The following ZNF232 variants were observed in gnomAD, a reference collection of about 807,000 sequenced individuals.
ZNF232 encodes the protein zinc finger and SCAN domain-containing protein 11.
Under a neutral mutation model 25.2 loss-of-function variants are expected in ZNF232, and 25 were observed. The ratio of observed to expected loss-of-function variants is 0.99; its 90% CI spans 0.72 to 1.39. The LOEUF (loss-of-function observed/expected upper bound fraction) is 1.39. Among genes scored for constraint, ZNF232 ranks in the 40% most tolerant of loss-of-function variants. The pLI, the probability that ZNF232 is intolerant of heterozygous loss-of-function variation, is 0.00. For synonymous variants in ZNF232, 193 were observed against 182.9 expected (o/e 1.06, Z -0.45); for missense variants, 519 against 520.9 (o/e 1.00, Z 0.04).
At chr17:5,113,983 A>G (rs1340661341), upstream of ZNF232, 1 of 152,188 alleles carries the variant, frequency 6.6e-6, no homozygotes, top group Non-Finnish European at 1.5e-5. Flanking sequence ...TCTTGTGGTA[A>G]GCATTTGGGA....
chr17:5,122,786 C>G (rs772970117), intron 1 of ZNF232, among the ~76,000 whole-genome samples: 1 of 152,202 alleles, frequency 6.6e-6, no homozygotes. Flanking sequence ...TCCGGTAGGG[C>G]GAGGGGTCGG....
upstream of ZNF232, chr17:5,114,624 G>C (rs1205966680): frequency 6.6e-6 from 1 of 152,414 alleles, no homozygotes; most frequent in Non-Finnish European, 1.5e-5. Flanking sequence ...GGGCTCAGGA[G>C]TTCGAGACCA....
At chr17:5,108,885 C>T in intron 3 of ZNF232, 41 bp downstream of exon 3, 1 of 1,612,718 alleles carries the variant, frequency 6.2e-7, no homozygotes, top group African/African-American at 1.3e-5. Context: ...CTTTATAGTC[C>T]CTCTTTCTCC....
chr17:5,109,501 G>A, exon 2 of ZNF232: 1 of 1,614,202 alleles, frequency 6.2e-7, no homozygotes, highest in South Asian at 1.1e-5. Context: ...TCCTCAGGCA[G>A]GATGGTCAAG....
At chr17:5,109,691 T>C (rs1239085206) in exon 2 of ZNF232, 1 of 1,614,178 alleles carries the variant, frequency 6.2e-7, no homozygotes, top group Non-Finnish European at 8.5e-7. Context: ...GGTTCCCAGG[T>C]AGCCTGGTCT....
Position 5,120,923 on chromosome 17 carries a change from T to C in ZNF232, c.-530+2054A>G, listed in dbSNP as rs2072642096. The C allele has an allele frequency of 3.1e-5, 14 of 454,546 alleles. 1 individual carries two copies. Among genetic ancestry groups the C allele is most frequent in the South Asian group, 2.2e-4 (14 of 64,468 alleles). The allele number at this position is 454,546 out of a possible 1,614,324, so 28.2% of individuals were successfully genotyped here. Reference sequence around the variant, plus strand: ...GGAAACCAGTTGGACCAGCCCCTCATGATTTCGATGTAAAATGTGAGGCTC... The same window carrying C: ...GGAAACCAGTTGGACCAGCCCCTCACGATTTCGATGTAAAATGTGAGGCTC... On this transcript the variant is annotated intron_variant, in intron 1 of 4. Transcript: ENST00000250076.
At chr17:5,115,824 A>T (rs931211280), upstream of ZNF232, among the ~76,000 whole-genome samples, 2 of 152,176 alleles carry the variant, frequency 1.3e-5, no homozygotes, top group African/African-American at 4.8e-5. Context: ...CTGGCGGTCC[A>T]GCCTCCCGGG....
intron 3 of ZNF232, 28 bp downstream of exon 3, chr17:5,108,898 T>C: frequency 6.2e-7 from 1 of 1,613,588 alleles, no homozygotes; most frequent in Non-Finnish European, 8.5e-7. Flanking sequence ...CTTTCTCCTC[T>C]CCCTCCCCAC....
intron 1 of ZNF232, among the ~76,000 whole-genome samples, chr17:5,118,462 G>C (rs541590628): frequency 2.0e-3 from 310 of 152,382 alleles, no homozygotes; most frequent in Non-Finnish European, 3.5e-3. Flanking sequence ...CTGCCCAAGT[G>C]GGGGTGCCTG....
upstream of ZNF232, chr17:5,114,495 G>C (rs185150803): frequency 1.3e-5 from 2 of 152,376 alleles, no homozygotes; most frequent in East Asian, 3.9e-4. Flanking sequence ...CATTTATAAG[G>C]CCTCTCTCTC....
intron 1 of ZNF232, chr17:5,120,525 C>CTG (rs2072630800): frequency 2.9e-6 from 1 of 345,494 alleles, no homozygotes; most frequent in African/African-American, 2.2e-5. Flanking sequence ...GTCTGTCTGT[C>CTG]TGTCTGTCAT....
At chr17:5,114,649 G>A (rs1041819437), upstream of ZNF232, 7 of 152,412 alleles carry the variant, frequency 4.6e-5, no homozygotes, top group African/African-American at 1.7e-4. Flanking sequence ...GGCCAGCATG[G>A]TGAAAGCCCC....
At chr17:5,120,601 G>A (rs1487951177) in intron 1 of ZNF232, 4 of 365,036 alleles carry the variant, frequency 1.1e-5, no homozygotes, top group Non-Finnish European at 2.1e-5. Flanking sequence ...GGCCTTGGGT[G>A]AGCTCCTGCT....
chr17:5,106,408 T>C, exon 4 of ZNF232: 1 of 1,614,250 alleles, frequency 6.2e-7, no homozygotes, highest in South Asian at 1.1e-5. Context: ...GAGGTGTCAG[T>C]AGCAAGTTTT....
chr17:5,115,555 A>AAAACACAC (rs137912934), upstream of ZNF232, among the ~76,000 whole-genome samples: 6 of 148,664 alleles, frequency 4.0e-5, no homozygotes, highest in African/African-American at 1.3e-4. Context: ...CGTCTCCAAA[A>AAAACACAC]ACACACACAC....
chr17:5,109,255 C>T, intron 2 of ZNF232, 139 bp downstream of exon 2: 1 of 1,267,962 alleles, frequency 7.9e-7, no homozygotes, highest in Non-Finnish European at 1.1e-6. Context: ...GCAGAAAAGA[C>T]AGACACAGAA....
chr17:5,107,672 G>A (rs979187779), intron 3 of ZNF232, among the ~76,000 whole-genome samples: 1 of 151,470 alleles, frequency 6.6e-6, no homozygotes, highest in Non-Finnish European at 1.5e-5. Context: ...CCCAGTAGCT[G>A]GGATTACAGG....
exon 4 of ZNF232, chr17:5,106,337 C>G (rs1411573784): frequency 2.5e-6 from 4 of 1,614,220 alleles, no homozygotes; most frequent in Non-Finnish European, 3.4e-6. Flanking sequence ...ACCTCAGTCT[C>G]TCCGCTTTGG....
At chr17:5,109,679 G>A (rs1446587554) in exon 2 of ZNF232, 1 of 1,614,202 alleles carries the variant, frequency 6.2e-7, no homozygotes, top group Admixed American at 1.7e-5. Flanking sequence ...GACTGGTAGA[G>A]TGGTTCCCAG....
Sources: gnomAD v4.1 joint callset for allele counts (sites outside exome capture counted in the v4.1 genomes callset) on GRCh38, gnomAD v4.1.1 for gene constraint, MANE v1.5 for transcripts, NCBI Gene and HGNC (gene_info 2026-07-23, HGNC 2026-07-21) for gene names.